The following FCN3 variants were observed in gnomAD, a reference collection of about 807,000 sequenced individuals.
FCN3 encodes ficolin 3, also known as ficolin-3.
FCN3 carries 28 observed loss-of-function variants against 31.5 expected under a neutral mutation model. That is an observed-to-expected ratio of 0.89 (90% CI 0.66 to 1.22). The LOEUF (loss-of-function observed/expected upper bound fraction) is 1.22, where lower values mean the gene tolerates loss of function less well. Among genes scored for constraint, FCN3 ranks in the 50% most tolerant of loss-of-function variants. FCN3 has a pLI of 0.00. For synonymous variants in FCN3, 124 were observed against 147.4 expected (o/e 0.84, Z 1.15); for missense variants, 351 against 386.8 (o/e 0.91, Z 0.78).
chr1:27,370,349 G>T (rs1449496062), intron 7 of FCN3: 6 of 495,548 alleles, frequency 1.2e-5, no homozygotes. Context: ...AGGCTCAGTG[G>T]AGGGGTAGGA....
rs748889216 is a variant in FCN3 at position 27,370,618 on chromosome 1, G to A, written c.636C>T (p.Gly212=). 1 of 1,614,208 alleles carries A rather than the reference G, an allele frequency of 6.2e-7. No individual in the cohort carries two copies. Among genetic ancestry groups the A allele is most frequent in the African/African-American group, 1.3e-5 (1 of 75,050 alleles). ...CACCTGCAGTGCCCTCTGAGAACTT[G>A]CCCAGTGCCAGCTGGTAGTGGTCTA... The part of the protein sequence containing the change: ...GEVDHYQLAL[G]KFSEGTAGDS... Residue 212 remains glycine (G), a synonymous_variant, in exon 7 of 8, where the codon GGC becomes GGT. Coordinates refer to ENST00000270879, the MANE Select transcript of FCN3 (RefSeq NM_003665.4).
Position 27,373,188 on chromosome 1 carries a change from C to T in FCN3, c.341G>A (p.Gly114Asp), listed in dbSNP as rs2016182976. 6.2e-7 allele frequency: 1 copy of T among 1,614,060 alleles called. No individual in the cohort carries two copies. Among genetic ancestry groups the T allele is most frequent in the Non-Finnish European group, 8.5e-7 (1 of 1,180,000 alleles). ...GTCACAAAAGACTGGGAGGGCCCTG[C>T]CCTCAGGTAGGCACAGATGGTACCA... Reference protein sequence around the residue: ...SGWYHLCLPEGRALPVFCDMD... With the variant: ...SGWYHLCLPEDRALPVFCDMD... The change falls in exon 5 of 8, where the codon GGC becomes GAC. Residue 114 changes from glycine (G) to aspartate (D), a missense_variant. Coordinates refer to ENST00000270879, the MANE Select transcript of FCN3 (RefSeq NM_003665.4).
At chr1:27,371,397 G>A (rs532369374) in intron 5 of FCN3, among the ~76,000 whole-genome samples, 1 of 152,214 alleles carries the variant, frequency 6.6e-6, no homozygotes, top group Admixed American at 6.5e-5. Context: ...CCAACATGGT[G>A]AAATCCCGTC....
chr1:27,370,479 G>A (rs2016122103), intron 7 of FCN3, 117 bp downstream of exon 7: 3 of 861,352 alleles, frequency 3.5e-6, no homozygotes. Context: ...CCATTTCTCA[G>A]ATGCGGAAAC....
chr1:27,371,728 A>T (rs2016149562), intron 5 of FCN3, among the ~76,000 whole-genome samples: 1 of 152,064 alleles, frequency 6.6e-6, no homozygotes, highest in South Asian at 2.1e-4. Context: ...CAACCTAAGT[A>T]CTTCTATTTC....
At position 27,374,819 on chromosome 1, in the gene FCN3, C is replaced by A; in HGVS notation, c.-1G>T. Reference sequence around the variant, plus strand: ...AGGGCAGGATCCACAGTAGATCCATCTTGCTGGGCCCACCAGGGGAAGGAT... The same window carrying A: ...AGGGCAGGATCCACAGTAGATCCATATTGCTGGGCCCACCAGGGGAAGGAT... On this transcript the variant is annotated 5_prime_UTR_variant, in exon 1 of 8. Coordinates refer to ENST00000270879, the MANE Select transcript of FCN3 (RefSeq NM_003665.4). 4.5e-6 allele frequency: 6 copies of A among 1,333,852 alleles called. No individual in the cohort carries two copies. Among genetic ancestry groups the A allele is most frequent in the Non-Finnish European group, 5.8e-6 (6 of 1,034,628 alleles). 82.6% of individuals were successfully genotyped at this position (1,333,852 alleles called of 1,614,324 possible).
intron 5 of FCN3, among the ~76,000 whole-genome samples, chr1:27,371,433 G>A (rs562846661): frequency 5.3e-5 from 8 of 152,126 alleles, no homozygotes; most frequent in African/African-American, 7.2e-5. Context: ...AATATTAGCC[G>A]GGTGTGGTGG....
In FCN3 at chr1:27,370,692, C is replaced by A. The variant is rs1475535479; in HGVS notation, c.562G>T (p.Gly188Cys). The change falls in exon 7 of 8, where the codon GGT becomes TGT. Residue 188 changes from glycine to cysteine, a missense_variant. Gly to Cys is a radical substitution (Grantham distance 159). Transcript: ENST00000270879. The stretch of plus-strand genomic sequence containing the variant: ...GCATAGTGGGCGAAAGTACGGTTAC[C>A]ATTAAAGTCTTCCAGCTCTACCCGC... ...ELRVELEDFN[G>C]NRTFAHYATF... The A allele has an allele frequency of 6.2e-7, 1 of 1,614,106 alleles. No individual in the cohort carries two copies. Among genetic ancestry groups the A allele is most frequent in the Non-Finnish European group, 8.5e-7 (1 of 1,180,044 alleles).
chr1:27,373,769 C>T, intron 3 of FCN3, 196 bp downstream of exon 3: 1 of 652,982 alleles, frequency 1.5e-6, no homozygotes, highest in Non-Finnish European at 2.7e-6. Flanking sequence ...CTCCCCACTC[C>T]TCCCAGCCCT....
At chr1:27,370,004 C>T (rs969339759) in intron 7 of FCN3, among the ~76,000 whole-genome samples, 11 of 136,592 alleles carry the variant, frequency 8.1e-5, no homozygotes. Flanking sequence ...CTGCGCTCCC[C>T]CCGCCTTTTT....
At position 27,373,138 on chromosome 1, in the gene FCN3, G is replaced by C. The variant is rs776442952; in HGVS notation, c.391C>G (p.Leu131Val). ...TAGCCCATTTCTCAGACACTCACCAGCCAGCCGCCCCCCTCGGTGTCCATG... is the reference window on the plus strand; with the variant it reads ...TAGCCCATTTCTCAGACACTCACCACCCAGCCGCCCCCCTCGGTGTCCATG... ...CDMDTEGGGW[L>V]VFQRRQDGSV... is the part of the protein sequence containing the mutation. Residue 131 changes from leucine to valine, a missense_variant and splice_region_variant, in exon 5 of 8, where the codon CTG becomes GTG. Leu to Val is a conservative substitution (Grantham distance 32). Coordinates refer to ENST00000270879, the MANE Select transcript of FCN3 (RefSeq NM_003665.4). 4 of 1,613,548 alleles carry C rather than the reference G, an allele frequency of 2.5e-6. No homozygotes were observed. The East Asian group carries it at 8.9e-5, about 36-fold the overall frequency.
intron 2 of FCN3, 139 bp downstream of exon 2, chr1:27,374,217 G>C: frequency 1.4e-6 from 1 of 723,306 alleles, no homozygotes; most frequent in Non-Finnish European, 2.3e-6. Context: ...TTGATCTTAG[G>C]ATGCCGGGTG....
chr1:27,372,694 C>T (rs779803603), intron 5 of FCN3, among the ~76,000 whole-genome samples: 4 of 152,128 alleles, frequency 2.6e-5, no homozygotes, highest in Admixed American at 6.6e-5. Flanking sequence ...AGCTCACTCA[C>T]GCGTTCCCTG....
At chr1:27,370,489 C>G in intron 7 of FCN3, 107 bp downstream of exon 7, 1 of 961,820 alleles carries the variant, frequency 1.0e-6, no homozygotes, top group Non-Finnish European at 1.6e-6. Flanking sequence ...GATGCGGAAA[C>G]TAAGGCCCAC....
intron 1 of FCN3, 118 bp from the exon 2 acceptor site, chr1:27,374,569 A>G: frequency 2.5e-6 from 2 of 813,718 alleles, no homozygotes; most frequent in Middle Eastern, 2.3e-4. Context: ...CTGAGCTGGC[A>G]AGGTTTCGTG....
chr1:27,371,874 C>G (rs1166799089), intron 5 of FCN3, among the ~76,000 whole-genome samples: 8 of 152,030 alleles, frequency 5.3e-5, no homozygotes, highest in Non-Finnish European at 8.8e-5. Context: ...ATTCTCGTGC[C>G]TTAGCTTTCT....
Position 27,373,281 on chromosome 1 carries a change from G to C in FCN3, c.266-18C>G, listed in dbSNP as rs372098705. On this transcript the variant is annotated intron_variant, in intron 4 of 7. Transcript: ENST00000270879. ...TCTGGGGCCTGGGAAAGGGGAGATG[G>C]ACTGGGGTGGTGCCCAGGTTATTCC... 5.0e-6 allele frequency: 8 copies of C among 1,613,808 alleles called. No individual in the cohort carries two copies. Among genetic ancestry groups the C allele is most frequent in the Non-Finnish European group, 6.8e-6 (8 of 1,179,948 alleles).
At chr1:27,369,546 C>G (rs898072673) in intron 7 of FCN3, 69 bp from the exon 8 acceptor site, 1 of 1,439,872 alleles carries the variant, frequency 6.9e-7, no homozygotes, top group African/African-American at 1.4e-5. Context: ...AGATATAATG[C>G]CATGGGAGTC....
At chr1:27,373,456 C>G in intron 4 of FCN3, 32 bp downstream of exon 4, 1 of 1,613,630 alleles carries the variant, frequency 6.2e-7, no homozygotes, top group East Asian at 2.2e-5. Context: ...CATGTGATCC[C>G]AAGTTCCTGG....
Sources: allele counts gnomAD v4.1 joint callset (sites outside exome capture counted in the v4.1 genomes callset), GRCh38; gene constraint gnomAD v4.1.1; transcripts MANE v1.5; gene names NCBI Gene and HGNC (gene_info 2026-07-23, HGNC 2026-07-21).